ANK1: variants seen among roughly 807,000 people sequenced by gnomAD.
ANK1 encodes ankyrin-1.
In ANK1, 51 loss-of-function variants were observed where a neutral mutation model predicts 210.4. The observed-to-expected ratio is 0.24, with a 90% CI of 0.19 to 0.31. ANK1 has a LOEUF of 0.31. Among genes scored for constraint, ANK1 ranks in the 10% least tolerant of loss-of-function variants. The probability of loss-of-function intolerance (pLI) is 1.00; values close to 1 mark genes in which losing one functional copy is unlikely to be tolerated. For missense variants in ANK1, 2,051 were observed against 2,504.4 expected (o/e 0.82, Z 3.86); for synonymous variants, 967 against 1,025.9 (o/e 0.94, Z 1.10).
At chr8:41,684,028 T>C (rs1036934674) in intron 37 of ANK1, among the ~76,000 whole-genome samples, 29 of 152,202 alleles carry the variant, frequency 1.9e-4, no homozygotes, top group African/African-American at 6.8e-4. Flanking sequence ...GCTCAGTCCC[T>C]AGAAGTGGCC....
chr8:41,852,497 T>C (rs779050836), intron 1 of ANK1, among the ~76,000 whole-genome samples: 20 of 152,254 alleles, frequency 1.3e-4, no homozygotes, highest in Non-Finnish European at 5.9e-5. Context: ...ATGGGGGACA[T>C]ACAGAGGAAG....
chr8:41,865,124 C>T (rs1051013113), intron 1 of ANK1, among the ~76,000 whole-genome samples: 1 of 152,190 alleles, frequency 6.6e-6, no homozygotes, highest in Admixed American at 6.5e-5. Flanking sequence ...CCTCCCTGGC[C>T]ACCCAAGGGC....
At chr8:41,829,002 C>T (rs1306365687) in intron 1 of ANK1, 1 of 152,308 alleles carries the variant, frequency 6.6e-6, no homozygotes, top group Non-Finnish European at 1.5e-5. Context: ...CTTGATTCCA[C>T]CGCCGCAGTT....
Position 41,685,956 on chromosome 8 carries a change from G to A in ANK1, c.4390+196C>T, listed in dbSNP as rs915560926. Among the ~76,000 whole-genome samples the A allele has an allele frequency of 2.0e-5, 3 of 152,250 alleles. No individual in the cohort carries two copies. The South Asian group carries it at 6.2e-4, about 32-fold the overall frequency. On this transcript the variant is annotated intron_variant, in intron 36 of 42. Transcript: ENST00000289734. Reference sequence around the variant, plus strand: ...ATTCCAAGGATGTGAGAAAGGCTGAGGCCAAGCTTCTCTGGTCATGCCTTC... The same window carrying A: ...ATTCCAAGGATGTGAGAAAGGCTGAAGCCAAGCTTCTCTGGTCATGCCTTC...
Position 41,716,988 on chromosome 8 carries a change from G to T in ANK1, c.1369C>A (p.Leu457Ile), listed in dbSNP as rs1426654334. The T allele has an allele frequency of 1.5e-5, 25 of 1,614,116 alleles. No homozygotes were observed. Among genetic ancestry groups the T allele is most frequent in the Non-Finnish European group, 2.1e-5 (25 of 1,180,056 alleles). The change falls in exon 13 of 43, where the codon CTC (leucine) becomes ATC (isoleucine). Residue 457 changes from leucine to isoleucine, a missense_variant. Transcript: ENST00000289734. ...AGHTEVAKYL[L>I]QNKAKVNAKA... ...GCATTGACTTTGGCTTTGTTCTGGAGTAAATATTTGGCCACTTCCGTGTGC... is the reference window on the plus strand; with the variant it reads ...GCATTGACTTTGGCTTTGTTCTGGATTAAATATTTGGCCACTTCCGTGTGC...
At position 41,694,639 on chromosome 8, in the gene ANK1, T is replaced by C. The variant is rs1820301259; in HGVS notation, c.3280A>G (p.Thr1094Ala). 8.7e-6 allele frequency: 14 copies of C among 1,614,058 alleles called. No individual in the cohort carries two copies. Among genetic ancestry groups the C allele is most frequent in the South Asian group, 2.2e-5 (2 of 91,072 alleles). ...TTGGTGACGGCATTCTCCGGGAACG[T>C]TGCCTGTACCAGGGGCACCAGCTTG... is the stretch of plus-strand genomic sequence containing the variant. The part of the protein sequence containing the change: ...KSKLVPLVQA[T>A]FPENAVTKRV... The change falls in exon 28 of 43, where the codon ACG (threonine) becomes GCG (alanine). Residue 1094 changes from threonine (T) to alanine (A), a missense_variant. Physicochemically the swap from Thr to Ala is moderately conservative, Grantham distance 58. Coordinates refer to ENST00000289734, the MANE Select transcript of ANK1 (RefSeq NM_000037.4). This position sits in a 1 kb window ranked among gnomAD's most constrained non-coding sequence, Gnocchi z 5.7.
At chr8:41,895,852 A>T (rs1015605325) in intron 1 of ANK1, among the ~76,000 whole-genome samples, 1 of 151,992 alleles carries the variant, frequency 6.6e-6, no homozygotes, top group Non-Finnish European at 1.5e-5. Context: ...CCTGGGAAAG[A>T]CGCTCTCTTC....
intron 39 of ANK1, among the ~76,000 whole-genome samples, chr8:41,664,498 AAAGAG>A (rs146025758): frequency 0.16 from 24,828 of 151,920 alleles, 2,428 homozygotes; most frequent in Middle Eastern, 0.24. Flanking sequence ...ACAAAAGAAA[AAAGAG>A]AAGAGAAGAG....
chr8:41,873,510 A>G (rs778116758), intron 1 of ANK1, among the ~76,000 whole-genome samples: 56 of 152,356 alleles, frequency 3.7e-4, no homozygotes, highest in Middle Eastern at 3.4e-3. Flanking sequence ...CTGAGACTGA[A>G]AAGGGTTAAC....
intron 1 of ANK1, among the ~76,000 whole-genome samples, chr8:41,852,261 T>C (rs1462977564): frequency 1.3e-5 from 2 of 152,142 alleles, no homozygotes; most frequent in East Asian, 1.9e-4. Flanking sequence ...CCCTTAGCCA[T>C]GGAGCAGATG....
rs1818352683 is a variant in ANK1 at position 41,688,593 on chromosome 8, CAGA to C, written c.4105-7_4105-5del. On this transcript the variant is annotated splice_polypyrimidine_tract_variant and splice_region_variant and intron_variant, in intron 33 of 42. Transcript: ENST00000289734. ...TCCTATCTTCGGCTCCACTTCCCTG[CAGA>C]AGAAGAAAGGGTGCTTTGGGTTTTG... 1 of 1,614,032 alleles carries C rather than the reference CAGA, an allele frequency of 6.2e-7. No individual in the cohort carries two copies. The highest frequency in any genetic ancestry group is 8.5e-7 in the Non-Finnish European group (1 of 1,179,900).
At chr8:41,701,048 C>T (rs559939105) in intron 22 of ANK1, among the ~76,000 whole-genome samples, 1 of 152,288 alleles carries the variant, frequency 6.6e-6, no homozygotes, top group African/African-American at 2.4e-5. Flanking sequence ...GGATTACAGG[C>T]ATGAACCCAG....
At chr8:41,886,076 G>A (rs1489452769) in intron 1 of ANK1, among the ~76,000 whole-genome samples, 1 of 152,186 alleles carries the variant, frequency 6.6e-6, no homozygotes, top group African/African-American at 2.4e-5. Flanking sequence ...TCTCATTCGG[G>A]ATTAAAGAGG....
chr8:41,813,745 C>T (rs1341963922), intron 1 of ANK1, among the ~76,000 whole-genome samples: 2 of 152,174 alleles, frequency 1.3e-5, no homozygotes, highest in Non-Finnish European at 2.9e-5. Flanking sequence ...TCTGTAATAC[C>T]TGTAGATTGG....
chr8:41,760,184 A>G (rs1028181081), intron 1 of ANK1, among the ~76,000 whole-genome samples: 6 of 152,166 alleles, frequency 3.9e-5, no homozygotes, highest in African/African-American at 1.4e-4. Context: ...ACTAATTGAT[A>G]TGGTTTGGCT....
In ANK1 at chr8:41,688,605, G is replaced by T. The variant is rs1434312230; in HGVS notation, c.4105-16C>A. 1 of 1,612,754 alleles carries T rather than the reference G, an allele frequency of 6.2e-7. No homozygotes were observed. Among genetic ancestry groups the T allele is most frequent in the Non-Finnish European group, 8.5e-7 (1 of 1,178,758 alleles). The stretch of plus-strand genomic sequence containing the variant: ...CTCCACTTCCCTGCAGAAGAAGAAA[G>T]GGTGCTTTGGGTTTTGGACTCTCCC... On this transcript the variant is annotated splice_polypyrimidine_tract_variant and intron_variant, in intron 33 of 42. Transcript: ENST00000289734.
chr8:41,797,619 C>T lies in ANK1; in HGVS notation c.-81G>A. 1 of 1,598,286 alleles carries T rather than the reference C, an allele frequency of 6.3e-7. No individual in the cohort carries two copies. The highest frequency in any genetic ancestry group is 1.1e-5 in the South Asian group (1 of 89,030). On this transcript the variant is annotated 5_prime_UTR_variant, in exon 1 of 43. Coordinates refer to ENST00000289734, the MANE Select transcript of ANK1 (RefSeq NM_000037.4). The surrounding 1 kb of genome is among the most constrained non-coding windows in gnomAD (Gnocchi z 4.0). ...CTGGGGCTGGCGGACTCACCGCAGC[C>T]TCTGCGGGGCCTGTGACGTGCGGGC...
chr8:41,686,374 T>A lies in ANK1; in HGVS notation c.4259-91A>T. The A allele has an allele frequency of 3.2e-6, 5 of 1,551,226 alleles. No individual in the cohort carries two copies. The South Asian group carries it at 5.6e-5, about 17-fold the overall frequency. ...CACAGGCTGGGTGGGCACTGGGGCG[T>A]GGGGGGACCCAGTGGGGAGCACAGG... On this transcript the variant is annotated intron_variant, in intron 35 of 42. Transcript: ENST00000289734.
intron 12 of ANK1, 47 bp downstream of exon 12, chr8:41,717,557 G>T: frequency 6.7e-7 from 1 of 1,500,604 alleles, no homozygotes; most frequent in South Asian, 1.2e-5. Context: ...GCTGCCCTCT[G>T]AGCTCTTGGT....
Sources: gnomAD v4.1 joint callset for allele counts (sites outside exome capture counted in the v4.1 genomes callset) on GRCh38, gnomAD v4.1.1 for gene constraint, Gnocchi (gnomAD v3.1) non-coding constraint, MANE v1.5 for transcripts, NCBI Gene and HGNC (gene_info 2026-07-23, HGNC 2026-07-21) for gene names.